The following TCF4 variants were observed in gnomAD, a reference collection of about 807,000 sequenced individuals.
TCF4 encodes the protein SL3-3 enhancer factor 2.
A neutral mutation model predicts 82.1 loss-of-function variants in TCF4; 3 were observed. The observed-to-expected ratio is 0.04, with a 90% confidence interval of 0.02 to 0.09. TCF4 has a LOEUF of 0.09. TCF4 is among the 10% of genes least tolerant of loss of function. The probability of loss-of-function intolerance (pLI) is 1.00; values close to 1 mark genes in which losing one functional copy is unlikely to be tolerated. For missense variants in TCF4, 518 were observed against 852.7 expected, an observed-to-expected ratio of 0.61 and a Z score of 4.89; for synonymous variants, 276 against 309.6, an observed-to-expected ratio of 0.89 and a Z score of 1.14.
chr18:55,302,696 A>G (rs1200792686), intron 8 of TCF4: 2 of 1,310,684 alleles, frequency 1.5e-6, no homozygotes, highest in Non-Finnish European at 2.0e-6. Flanking sequence ...TGAGACCGGG[A>G]GGAGGGCATG....
chr18:55,549,302 A>G (rs2097237186), intron 3 of TCF4, among the ~76,000 whole-genome samples: 1 of 152,104 alleles, frequency 6.6e-6, no homozygotes, highest in African/African-American at 2.4e-5. Context: ...CTGTCTCAAA[A>G]ACAGAAAAAA....
intron 15 of TCF4, among the ~76,000 whole-genome samples, chr18:55,247,250 G>A (rs1358994371): frequency 6.6e-6 from 1 of 152,186 alleles, no homozygotes. Context: ...TTGTATTGGT[G>A]GCTTTGATGT....
At chr18:55,621,889 T>C (rs542542220) in intron 2 of TCF4, among the ~76,000 whole-genome samples, 27 of 105,290 alleles carry the variant, frequency 2.6e-4, no homozygotes, top group South Asian at 1.9e-3. Context: ...AATATATACA[T>C]TATATATTAT....
chr18:55,339,861 C>T (rs1188175946), intron 8 of TCF4, among the ~76,000 whole-genome samples: 2 of 152,208 alleles, frequency 1.3e-5, no homozygotes, highest in Non-Finnish European at 2.9e-5. Context: ...TCAAAGGCTA[C>T]AATCTAGCCA....
At chr18:55,256,949 T>C (rs2056986940) in intron 14 of TCF4, among the ~76,000 whole-genome samples, 1 of 152,114 alleles carries the variant, frequency 6.6e-6, no homozygotes, top group Admixed American at 6.6e-5. Flanking sequence ...AAAGCAGAGG[T>C]AGAGGGAATC....
intron 3 of TCF4, among the ~76,000 whole-genome samples, chr18:55,560,862 C>T (rs963445908): frequency 7.9e-5 from 12 of 152,152 alleles, no homozygotes; most frequent in Non-Finnish European, 1.8e-4. Flanking sequence ...TCACTACATC[C>T]TTATTCCTAA....
intron 3 of TCF4, among the ~76,000 whole-genome samples, chr18:55,473,985 C>T (rs2096240610): frequency 6.6e-6 from 1 of 152,152 alleles, no homozygotes; most frequent in African/African-American, 2.4e-5. Context: ...TTGATCACAG[C>T]AGAACACGCA....
rs539918600 is a variant in TCF4, at chr18:55,364,541, TCA to T, written c.370-13540_370-13539del. 9.8e-5 allele frequency among the ~76,000 whole-genome samples: 15 copies of T among 152,330 alleles called. 1 individual carries two copies. In the South Asian group the frequency reaches 3.1e-3, roughly 32 times the overall value. On this transcript the variant is annotated intron_variant, in intron 6 of 19. Transcript: ENST00000354452. ...TATAAAAAATATAACCTGAGTAACT[TCA>T]CAGAGTCCTCCAAGGGAACTTTAGG... is the stretch of plus-strand genomic sequence containing the variant.
At chr18:55,482,266 A>G (rs1264763322) in intron 3 of TCF4, 3 of 152,212 alleles carry the variant, frequency 2.0e-5, no homozygotes, top group African/African-American at 4.8e-5. Context: ...TCTATAAAAG[A>G]GCAAAATTCC....
chr18:55,332,516 T>C (rs2077778013), intron 8 of TCF4, among the ~76,000 whole-genome samples: 1 of 152,204 alleles, frequency 6.6e-6, no homozygotes, highest in Admixed American at 6.5e-5. Flanking sequence ...TTAAGAGTCA[T>C]ATAAGCTCTG....
intron 6 of TCF4, among the ~76,000 whole-genome samples, chr18:55,365,832 C>T (rs1004970597): frequency 4.6e-5 from 7 of 152,062 alleles, no homozygotes; most frequent in Non-Finnish European, 7.4e-5. Flanking sequence ...GCAGAGGTTG[C>T]ACTGAGCTGA....
rs186348209 is a variant in TCF4, at chr18:55,456,481, C to T, written c.304+4538G>A. On this transcript the variant is annotated intron_variant, in intron 5 of 19. Transcript: ENST00000354452. ...AAATGTACAAAAGTATCGCTTTTCA[C>T]ACCCTTCAGTCACAAATGCATGTAT... Among the ~76,000 whole-genome samples the T allele has an allele frequency of 1.7e-3, 263 of 152,302 alleles. 1 individual carries two copies. The highest frequency in any genetic ancestry group is 6.3e-3 in the African/African-American group (262 of 41,562).
intron 2 of TCF4, among the ~76,000 whole-genome samples, chr18:55,602,348 A>G (rs571013288): frequency 2.6e-5 from 4 of 152,318 alleles, no homozygotes; most frequent in African/African-American, 7.2e-5. Flanking sequence ...GCCCTTGGCT[A>G]GGAGATGCCT....
At chr18:55,290,863 A>C (rs944286621) in intron 8 of TCF4, among the ~76,000 whole-genome samples, 8 of 152,200 alleles carry the variant, frequency 5.3e-5, no homozygotes, top group African/African-American at 1.7e-4. Flanking sequence ...GATAATAATA[A>C]TACTCAAAGA....
chr18:55,552,581 G>A (rs928276980), intron 3 of TCF4, among the ~76,000 whole-genome samples: 7 of 152,138 alleles, frequency 4.6e-5, no homozygotes, highest in African/African-American at 7.2e-5. Flanking sequence ...GCCAGGCCAC[G>A]GGACACACCA....
At chr18:55,297,348 AT>A (rs2066856211) in intron 8 of TCF4, among the ~76,000 whole-genome samples, 1 of 152,032 alleles carries the variant, frequency 6.6e-6, no homozygotes, top group Admixed American at 6.5e-5. Flanking sequence ...ATCATACTGT[AT>A]TTTCCTGCTC....
In TCF4 at chr18:55,232,679, A is replaced by G. The variant is rs1175977631; in HGVS notation, c.1487-8T>C. On this transcript the variant is annotated splice_polypyrimidine_tract_variant and splice_region_variant and intron_variant, in intron 16 of 19. Transcript: ENST00000354452. ...GTAGTCCTGGTGGCATGCCTGCCGA[A>G]AAAGAGAAATCAGGTGACATGTACA... 1 of 1,614,044 alleles carries G rather than the reference A, an allele frequency of 6.2e-7. No homozygotes were observed. Among genetic ancestry groups the G allele is most frequent in the Non-Finnish European group, 8.5e-7 (1 of 1,180,020 alleles).
intron 3 of TCF4, among the ~76,000 whole-genome samples, chr18:55,510,393 A>C (rs1290173677): frequency 6.6e-6 from 1 of 152,192 alleles, no homozygotes; most frequent in South Asian, 2.1e-4. Flanking sequence ...TTTCTCATTT[A>C]TATGTGTCCA....
chr18:55,292,286 C>T (rs1254851801), intron 8 of TCF4, among the ~76,000 whole-genome samples: 1 of 152,158 alleles, frequency 6.6e-6, no homozygotes, highest in African/African-American at 2.4e-5. Context: ...ATGACCCTTT[C>T]ATATTTCTTT....
Sources: gnomAD v4.1 joint callset for allele counts (sites outside exome capture counted in the v4.1 genomes callset) on GRCh38, gnomAD v4.1.1 for gene constraint, MANE v1.5 for transcripts, NCBI Gene and HGNC (gene_info 2026-07-23, HGNC 2026-07-21) for gene names.